The following KCNIP4 variants were observed in gnomAD, a reference collection of about 807,000 sequenced individuals.
KCNIP4 encodes the protein potassium voltage-gated channel interacting protein 4, also known as Kv channel-interacting protein 4.
In KCNIP4, 12 loss-of-function variants were observed where a neutral mutation model predicts 34.0. The ratio of observed to expected loss-of-function variants is 0.35; its 90% CI spans 0.23 to 0.57. The LOEUF (loss-of-function observed/expected upper bound fraction) is 0.57, where lower values mean the gene tolerates loss of function less well. Among genes scored for constraint, KCNIP4 ranks in the 20% least tolerant of loss-of-function variants. The pLI, the probability that KCNIP4 is intolerant of heterozygous loss-of-function variation, is 0.83. For synonymous variants in KCNIP4, 124 were observed against 102.2 expected (o/e 1.21, Z -1.29); for missense variants, 238 against 311.7 (o/e 0.76, Z 1.78).
chr4:21,788,186 C>T (rs932588298), intron 1 of KCNIP4, among the ~76,000 whole-genome samples: 1 of 151,752 alleles, frequency 6.6e-6, no homozygotes, highest in Non-Finnish European at 1.5e-5. Flanking sequence ...TTATTTTCCA[C>T]AGAGCAATTT....
intron 3 of KCNIP4, among the ~76,000 whole-genome samples, chr4:20,802,144 T>A (rs1350381683): frequency 7.3e-6 from 1 of 137,844 alleles, no homozygotes; most frequent in East Asian, 2.0e-4. Flanking sequence ...CTATATATGC[T>A]ATATATATGC....
chr4:20,942,107 C>T (rs1458262318), intron 1 of KCNIP4, among the ~76,000 whole-genome samples: 3 of 152,034 alleles, frequency 2.0e-5, no homozygotes, highest in South Asian at 2.1e-4. Flanking sequence ...GAAGAAAGAC[C>T]GTTTAGAGAT....
chr4:20,798,427 C>T (rs1713765047), intron 3 of KCNIP4, among the ~76,000 whole-genome samples: 1 of 151,996 alleles, frequency 6.6e-6, no homozygotes, highest in African/African-American at 2.4e-5. Flanking sequence ...GTCTCACAGG[C>T]TTATTGAAAT....
intron 3 of KCNIP4, among the ~76,000 whole-genome samples, chr4:20,782,839 A>C (rs547697005): frequency 6.6e-6 from 1 of 152,322 alleles, no homozygotes; most frequent in South Asian, 2.1e-4. Flanking sequence ...TTCTGCTCAG[A>C]AAATGGGATT....
chr4:21,054,532 AAAG>A (rs1224913440), intron 1 of KCNIP4, among the ~76,000 whole-genome samples: 4 of 152,020 alleles, frequency 2.6e-5, no homozygotes, highest in Non-Finnish European at 4.4e-5. Context: ...AAAAAAAAAA[AAAG>A]AATAGACAAA....
At chr4:21,629,333 T>G (rs1431205155) in intron 1 of KCNIP4, among the ~76,000 whole-genome samples, 1 of 152,234 alleles carries the variant, frequency 6.6e-6, no homozygotes, top group East Asian at 1.9e-4. Flanking sequence ...ATTGCATCAC[T>G]GAAGCTAATG....
At position 20,945,265 on chromosome 4, in the gene KCNIP4, G is replaced by C. The variant is rs139943236; in HGVS notation, c.62-62556C>G. Among the ~76,000 whole-genome samples the C allele has an allele frequency of 4.2e-3, 635 of 152,274 alleles. 6 individuals are homozygous for C. The highest frequency in any genetic ancestry group is 0.014 in the African/African-American group (598 of 41,558). ...ACACACTGAAGTTTGCAAAGTACTG[G>C]TTTGGAGGTCATTCAACCATCTTAT... On this transcript the variant is annotated intron_variant, in intron 1 of 8. Coordinates refer to ENST00000382152, the MANE Select transcript of KCNIP4 (RefSeq NM_025221.6).
chr4:21,287,824 C>A (rs1173798871), intron 1 of KCNIP4, among the ~76,000 whole-genome samples: 1 of 151,956 alleles, frequency 6.6e-6, no homozygotes, highest in African/African-American at 2.4e-5. Context: ...GCTTTTTGCA[C>A]TTTGGTTATT....
Position 20,929,557 on chromosome 4 carries a change from A to C in KCNIP4, c.62-46848T>G, listed in dbSNP as rs556560282. ...CAATAGCAATCAGACCAGAGAAAGAAATAAAAAGCATTTAAGTCAGAAAGA... is the reference window on the plus strand; with the variant it reads ...CAATAGCAATCAGACCAGAGAAAGACATAAAAAGCATTTAAGTCAGAAAGA... On this transcript the variant is annotated intron_variant, in intron 1 of 8. Coordinates refer to ENST00000382152, the MANE Select transcript of KCNIP4 (RefSeq NM_025221.6). Among the ~76,000 whole-genome samples, 269 of 152,162 alleles carry C rather than the reference A, an allele frequency of 1.8e-3. 1 individual carries two copies. Among genetic ancestry groups the C allele is most frequent in the South Asian group, 0.012 (59 of 4,828 alleles).
chr4:20,735,806 AT>A (rs1415150761), intron 5 of KCNIP4, among the ~76,000 whole-genome samples: 1 of 152,064 alleles, frequency 6.6e-6, no homozygotes, highest in South Asian at 2.1e-4. Flanking sequence ...AAGTGCTGGG[AT>A]TACAGGCGTG....
chr4:20,828,658 T>C (rs1438230530), intron 3 of KCNIP4, among the ~76,000 whole-genome samples: 1 of 152,224 alleles, frequency 6.6e-6, no homozygotes, highest in Non-Finnish European at 1.5e-5. Context: ...CGCTCACTCA[T>C]TCTCTGTTAT....
At chr4:20,840,690 G>A (rs544048824) in intron 3 of KCNIP4, among the ~76,000 whole-genome samples, 4 of 152,198 alleles carry the variant, frequency 2.6e-5, no homozygotes, top group East Asian at 3.9e-4. Context: ...TGTCCCCAAC[G>A]GAGTCACATA....
At chr4:21,089,790 C>G (rs1746822648) in intron 1 of KCNIP4, among the ~76,000 whole-genome samples, 1 of 152,076 alleles carries the variant, frequency 6.6e-6, no homozygotes. Context: ...TACTTGAACC[C>G]CCAGCTTCTT....
intron 1 of KCNIP4, among the ~76,000 whole-genome samples, chr4:21,310,191 A>T (rs755315552): frequency 9.2e-5 from 14 of 151,644 alleles, no homozygotes; most frequent in African/African-American, 2.2e-4. Flanking sequence ...CATCACCACA[A>T]CCAGCTAATT....
intron 1 of KCNIP4, among the ~76,000 whole-genome samples, chr4:21,126,920 G>A (rs992415264): frequency 2.6e-5 from 4 of 152,158 alleles, no homozygotes; most frequent in African/African-American, 7.2e-5. Context: ...AAGAAGACTG[G>A]TATCTAGGCT....
intron 1 of KCNIP4, among the ~76,000 whole-genome samples, chr4:21,764,815 G>T (rs2109176954): frequency 6.6e-6 from 1 of 152,158 alleles, no homozygotes. Flanking sequence ...AAGTCCTCAG[G>T]CCTCCTCCAA....
intron 1 of KCNIP4, among the ~76,000 whole-genome samples, chr4:21,664,160 G>C (rs1748658735): frequency 6.6e-6 from 1 of 152,000 alleles, no homozygotes; most frequent in Non-Finnish European, 1.5e-5. Context: ...TGTTGGCCAG[G>C]CTGGTCTTGA....
chr4:21,510,459 T>C (rs1263772470), intron 1 of KCNIP4, among the ~76,000 whole-genome samples: 2 of 152,042 alleles, frequency 1.3e-5, no homozygotes, highest in Non-Finnish European at 2.9e-5. Context: ...CGTATTACTC[T>C]TGAACAAAAA....
intron 1 of KCNIP4, among the ~76,000 whole-genome samples, chr4:21,388,957 G>A (rs1219862922): frequency 1.3e-5 from 2 of 150,306 alleles, no homozygotes; most frequent in East Asian, 2.0e-4. Context: ...ACATTCATGT[G>A]CAAGCTTTAT....
Sources: gnomAD v4.1 joint callset for allele counts (sites outside exome capture counted in the v4.1 genomes callset) on GRCh38, gnomAD v4.1.1 for gene constraint, MANE v1.5 for transcripts, NCBI Gene and HGNC (gene_info 2026-07-23, HGNC 2026-07-21) for gene names.